Variants in ATOSA observed in about 807,000 individuals in gnomAD.
ATOSA encodes atos homolog A.
chr15:52,630,285 C>T, the ATOSA span, among the ~76,000 whole-genome samples: 2 of 152,068 alleles, frequency 1.3e-5, no homozygotes, highest in African/African-American at 4.8e-5. Context: ...ACAGGCATTA[C>T]GAAGGTTCCT....
the ATOSA span, among the ~76,000 whole-genome samples, chr15:52,697,720 T>C: frequency 5.9e-5 from 9 of 151,510 alleles, no homozygotes; most frequent in East Asian, 1.7e-3. Flanking sequence ...AAAAAAAAGA[T>C]TTCTTCAAGT....
chr15:52,635,536 C>T, the ATOSA span, among the ~76,000 whole-genome samples: 1 of 152,050 alleles, frequency 6.6e-6, no homozygotes, highest in South Asian at 2.1e-4. Flanking sequence ...TCTACACACA[C>T]ACACACAAAA....
At chr15:52,707,936 T>C in the ATOSA span, among the ~76,000 whole-genome samples, 431 of 152,300 alleles carry the variant, frequency 2.8e-3, 2 homozygotes, top group African/African-American at 0.01. Flanking sequence ...CCATTTTGCT[T>C]TGGATAGCCA....
At chr15:52,595,709 CACAT>C in the ATOSA span, among the ~76,000 whole-genome samples, 1 of 152,154 alleles carries the variant, frequency 6.6e-6, no homozygotes, top group Non-Finnish European at 1.5e-5. Context: ...AACACACACA[CACAT>C]ACATTCATTT....
chr15:52,662,509 G>A, the ATOSA span, among the ~76,000 whole-genome samples: 2 of 152,274 alleles, frequency 1.3e-5, no homozygotes, highest in Admixed American at 6.5e-5. Flanking sequence ...GGTGGCTCAA[G>A]CCTGTAATCC....
the ATOSA span, among the ~76,000 whole-genome samples, chr15:52,589,158 T>G: frequency 6.6e-6 from 1 of 152,214 alleles, no homozygotes; most frequent in Non-Finnish European, 1.5e-5. Flanking sequence ...ATCAACAAAC[T>G]GCAACCCTAA....
chr15:52,594,538 A>C, the ATOSA span, among the ~76,000 whole-genome samples: 1 of 152,212 alleles, frequency 6.6e-6, no homozygotes, highest in African/African-American at 2.4e-5. Flanking sequence ...CATGATTCTA[A>C]AAGTTTGTGT....
At chr15:52,602,824 C>T in the ATOSA span, among the ~76,000 whole-genome samples, 1 of 152,206 alleles carries the variant, frequency 6.6e-6, no homozygotes, top group African/African-American at 2.4e-5. Context: ...TACAGACTTG[C>T]AGCCTTGATT....
At chr15:52,662,295 A>G in the ATOSA span, among the ~76,000 whole-genome samples, 1 of 152,176 alleles carries the variant, frequency 6.6e-6, no homozygotes, top group African/African-American at 2.4e-5. Flanking sequence ...CAGACCTTAC[A>G]TGAAACTGAA....
the ATOSA span, among the ~76,000 whole-genome samples, chr15:52,619,940 A>T: frequency 2.6e-5 from 4 of 152,320 alleles, no homozygotes; most frequent in East Asian, 7.7e-4. Context: ...TGAAGGACAG[A>T]TCACTGGACA....
chr15:52,604,147 C>A, the ATOSA span, among the ~76,000 whole-genome samples: 1 of 152,162 alleles, frequency 6.6e-6, no homozygotes, highest in Non-Finnish European at 1.5e-5. Flanking sequence ...CATGGCCGGG[C>A]GCCGTGGCCC....
the ATOSA span, among the ~76,000 whole-genome samples, chr15:52,602,365 T>A: frequency 1.3e-5 from 2 of 152,212 alleles, no homozygotes; most frequent in African/African-American, 4.8e-5. Context: ...AACTCTCAAA[T>A]TGCTCTGATA....
chr15:52,658,675 G>A, the ATOSA span: 2 of 397,560 alleles, frequency 5.0e-6, no homozygotes, highest in African/African-American at 2.1e-5. Context: ...AACAGAAAGG[G>A]ATAGTGGAGG....
At chr15:52,701,708 C>T in the ATOSA span, among the ~76,000 whole-genome samples, 3 of 152,142 alleles carry the variant, frequency 2.0e-5, no homozygotes, top group Non-Finnish European at 2.9e-5. Flanking sequence ...AAGAACAATA[C>T]ATTTGCCATC....
the ATOSA span, among the ~76,000 whole-genome samples, chr15:52,664,951 G>C: frequency 6.1e-5 from 2 of 32,654 alleles, no homozygotes; most frequent in East Asian, 2.4e-4. Context: ...TGTTGGGGGT[G>C]GGGGGGTGCA....
At chr15:52,658,138 A>G in the ATOSA span, 1 of 152,246 alleles carries the variant, frequency 6.6e-6, no homozygotes, top group South Asian at 2.1e-4. Flanking sequence ...GAAATTAGGT[A>G]GAATTTTACT....
At chr15:52,613,149 T>G in the ATOSA span, among the ~76,000 whole-genome samples, 1 of 151,960 alleles carries the variant, frequency 6.6e-6, no homozygotes, top group Non-Finnish European at 1.5e-5. Flanking sequence ...GGGCGGATCA[T>G]GAGGTCAGGA....
chr15:52,702,624 G>A, the ATOSA span, among the ~76,000 whole-genome samples: 77 of 152,026 alleles, frequency 5.1e-4, no homozygotes, highest in Non-Finnish European at 8.5e-4. Flanking sequence ...GGAGGGAGGA[G>A]GACAAGAGTT....
At chr15:52,687,407 AAAAT>A in the ATOSA span, among the ~76,000 whole-genome samples, 2 of 152,284 alleles carry the variant, frequency 1.3e-5, no homozygotes, top group Non-Finnish European at 2.9e-5. Context: ...TCCGTCTCAA[AAAAT>A]AAATAAATAA....
Sources: gnomAD v4.1 joint callset for allele counts (sites outside exome capture counted in the v4.1 genomes callset) on GRCh38, gnomAD v4.1.1 for gene constraint, MANE v1.5 for transcripts, NCBI Gene and HGNC (gene_info 2026-07-23, HGNC 2026-07-21) for gene names.